The following NDRG4 variants were observed in gnomAD, a reference collection of about 807,000 sequenced individuals.
The protein encoded by NDRG4 is NDRG family member 4.
In NDRG4, 38 loss-of-function variants were observed where a neutral mutation model predicts 55.8. That is an observed-to-expected ratio of 0.68 (90% confidence interval 0.53 to 0.89). NDRG4 has a LOEUF of 0.89. NDRG4 is among the 40% of genes least tolerant of loss of function. NDRG4 has a pLI of 0.00. For synonymous variants in NDRG4, 190 were observed against 182.7 expected (o/e 1.04, Z -0.32); for missense variants, 455 against 468.6 (o/e 0.97, Z 0.27).
chr16:58,493,193 A>G (rs2035996405), intron 2 of NDRG4, among the ~76,000 whole-genome samples: 1 of 152,182 alleles, frequency 6.6e-6, no homozygotes, highest in Non-Finnish European at 1.5e-5. Flanking sequence ...GTACTTACCT[A>G]GCTGACTGCT....
intron 1 of NDRG4, chr16:58,501,172 C>T: frequency 1.3e-6 from 1 of 785,756 alleles, no homozygotes; most frequent in Non-Finnish European, 1.7e-6. Flanking sequence ...GTTCCGCAGA[C>T]GATAGGTCAC....
chr16:58,466,213 G>A (rs934249883), intron 1 of NDRG4, among the ~76,000 whole-genome samples: 7 of 152,114 alleles, frequency 4.6e-5, no homozygotes, highest in Admixed American at 1.3e-4. Flanking sequence ...GATGGGTTTC[G>A]CCATGTTGGC....
intron 2 of NDRG4, among the ~76,000 whole-genome samples, chr16:58,492,994 C>A (rs372074152): frequency 1.3e-5 from 2 of 152,202 alleles, no homozygotes; most frequent in East Asian, 1.9e-4. Flanking sequence ...ATGTGACAGT[C>A]GCAGGCAGCC....
In NDRG4 at chr16:58,503,977, C is replaced by T. The variant is rs1567339835; in HGVS notation, c.127+74C>T. ...AGAGCGGTGAGGCCCCCCACCCTCC[C>T]CACAGGGCCCTGTCAGCCCCACTCA... On this transcript the variant is annotated intron_variant, in intron 2 of 14. Transcript: ENST00000570248. 5 of 1,564,610 alleles carry T rather than the reference C, an allele frequency of 3.2e-6. No individual in the cohort carries two copies. In the South Asian group the frequency reaches 3.3e-5, roughly 10 times the overall value.
intron 1 of NDRG4, among the ~76,000 whole-genome samples, chr16:58,481,663 A>T (rs1415564635): frequency 6.6e-6 from 1 of 152,162 alleles, no homozygotes; most frequent in Non-Finnish European, 1.5e-5. Flanking sequence ...GGCGGAATGC[A>T]TGTAGGCGGG....
chr16:58,513,826 C>T (rs1044272643), downstream of NDRG4, among the ~76,000 whole-genome samples: 5 of 152,012 alleles, frequency 3.3e-5, no homozygotes, highest in African/African-American at 1.2e-4. Flanking sequence ...AGCATGGTGG[C>T]GCGTGCCTGT....
Position 58,492,423 on chromosome 16 carries a change from C to A in NDRG4, c.73-2541C>A, listed in dbSNP as rs190998215. 3.3e-5 allele frequency among the ~76,000 whole-genome samples: 5 copies of A among 152,198 alleles called. No homozygotes were observed. In the East Asian group the frequency reaches 9.7e-4, roughly 30 times the overall value. ...GCTTTTGAGTCCTTCCCCTCCCACA[C>A]CCTTCATCTCCTGGGGCCCCCAGAC... On this transcript the variant is annotated intron_variant, in intron 2 of 15. Coordinates refer to the NDRG4 transcript ENST00000258187.
rs139332606 is a variant in NDRG4 at position 58,508,060 on chromosome 16, C to A, written c.729+61C>A. 1.7e-4 allele frequency: 240 copies of A among 1,450,132 alleles called. No homozygotes were observed. The African/African-American group carries it at 2.7e-3, about 17-fold the overall frequency. The allele number at this position is 1,450,132 out of a possible 1,614,324, so 89.8% of individuals were successfully genotyped here. On this transcript the variant is annotated intron_variant, in intron 10 of 14. Coordinates refer to ENST00000570248, the MANE Select transcript of NDRG4 (RefSeq NM_001242835.2). Reference sequence around the variant, plus strand: ...GGTAGGGGTGAGGGGCTCACTGGCCCCTGCCCAGCAGGGACAATTCTTGAT... The same window carrying A: ...GGTAGGGGTGAGGGGCTCACTGGCCACTGCCCAGCAGGGACAATTCTTGAT...
At chr16:58,476,628 C>T (rs534401800) in intron 1 of NDRG4, among the ~76,000 whole-genome samples, 13 of 152,074 alleles carry the variant, frequency 8.5e-5, no homozygotes, top group East Asian at 5.8e-4. Context: ...TCAGAATTTG[C>T]GAGTGGATGT....
At chr16:58,509,940 A>G (rs1244140883) in intron 13 of NDRG4, among the ~76,000 whole-genome samples, 1 of 108,788 alleles carries the variant, frequency 9.2e-6, no homozygotes, top group Non-Finnish European at 2.2e-5. Context: ...ACACACACAG[A>G]CACACACACA....
Position 58,507,005 on chromosome 16 carries a change from A to C in NDRG4, c.610A>C (p.Met204Leu). The change falls in exon 8 of 15, where the codon ATG becomes CTG. Residue 204 changes from methionine to leucine, a missense_variant. Physicochemically the swap from Met to Leu is conservative, Grantham distance 15. Transcript: ENST00000570248. ...GGCCAACCTGCAGCTCTTCTGGAAC[A>C]TGTACAACAGGTGCGGGTGGGATCA... is the stretch of plus-strand genomic sequence containing the variant. ...NQANLQLFWN[M>L]YNSRRDLDIN... is the part of the protein sequence containing the mutation. 1 of 1,613,430 alleles carries C rather than the reference A, an allele frequency of 6.2e-7. No homozygotes were observed. Among genetic ancestry groups the C allele is most frequent in the Non-Finnish European group, 8.5e-7 (1 of 1,179,724 alleles).
chr16:58,503,591 C>T, intron 1 of NDRG4: 1 of 966,820 alleles, frequency 1.0e-6, no homozygotes, highest in Non-Finnish European at 1.6e-6. Flanking sequence ...CAGATCAGTT[C>T]ACATTGTCTC....
rs78623926 is a variant in NDRG4 at position 58,493,171 on chromosome 16, A to G, written c.73-1793A>G. 5.0e-3 allele frequency among the ~76,000 whole-genome samples: 756 copies of G among 152,124 alleles called. 6 individuals carry two copies. Among genetic ancestry groups the G allele is most frequent in the African/African-American group, 0.017 (710 of 41,492 alleles). Reference sequence around the variant, plus strand: ...CTTTCCACTCCTGTGATTTGGGGTCATTTTCCTCCTTGTACTTACCTAGCT... The same window carrying G: ...CTTTCCACTCCTGTGATTTGGGGTCGTTTTCCTCCTTGTACTTACCTAGCT... On this transcript the variant is annotated intron_variant, in intron 2 of 15. Coordinates refer to the NDRG4 transcript ENST00000258187.
chr16:58,472,695 T>TCTCTCC (rs1244706585), intron 1 of NDRG4, among the ~76,000 whole-genome samples: 1 of 152,162 alleles, frequency 6.6e-6, no homozygotes, highest in Non-Finnish European at 1.5e-5. Flanking sequence ...CCTCTGTCTC[T>TCTCTCC]CTCTCCCTCA....
chr16:58,511,887 C>A lies in NDRG4; in HGVS notation c.*311C>A. The A allele has an allele frequency of 2.2e-6, 1 of 453,942 alleles. No individual in the cohort carries two copies. The highest frequency in any genetic ancestry group is 4.2e-6 in the Non-Finnish European group (1 of 235,978). 28.1% of individuals were successfully genotyped at this position (453,942 alleles called of 1,614,324 possible). On this transcript the variant is annotated 3_prime_UTR_variant, in exon 15 of 15. Coordinates refer to ENST00000570248, the MANE Select transcript of NDRG4 (RefSeq NM_001242835.2). ...GATTCGCTACGGATCCAGGCCATTCCTGGGTGAGCCCTTGGGCAGGCATGT... is the reference window on the plus strand; with the variant it reads ...GATTCGCTACGGATCCAGGCCATTCATGGGTGAGCCCTTGGGCAGGCATGT...
chr16:58,512,153 A>AG lies in NDRG4; in HGVS notation c.*581dup, dbSNP rs1220219146. The AG allele has an allele frequency of 2.2e-6, 1 of 454,122 alleles. No homozygotes were observed. The highest frequency in any genetic ancestry group is 6.9e-5 in the East Asian group (1 of 14,402). The allele number at this position is 454,122 out of a possible 1,614,324, so 28.1% of individuals were successfully genotyped here. A position where few individuals can be genotyped will look rare whatever the true frequency, so the allele number is the denominator to read the frequency against. On this transcript the variant is annotated 3_prime_UTR_variant, in exon 15 of 15. Coordinates refer to ENST00000570248, the MANE Select transcript of NDRG4 (RefSeq NM_001242835.2). Reference sequence around the variant, plus strand: ...GCTGGTGCTGTAGGGCCACGCAGGCAGGGGCGTCAAGGGGTTTCTCTGCCC... The same window carrying AG: ...GCTGGTGCTGTAGGGCCACGCAGGCAGGGGGCGTCAAGGGGTTTCTCTGCCC...
At chr16:58,482,158 G>A (rs1343634131) in intron 1 of NDRG4, among the ~76,000 whole-genome samples, 1 of 152,148 alleles carries the variant, frequency 6.6e-6, no homozygotes, top group African/African-American at 2.4e-5. Flanking sequence ...GGGTAGAGCT[G>A]GCTAGGCCTG....
intron 3 of NDRG4, chr16:58,495,097 C>T: frequency 7.6e-7 from 1 of 1,317,050 alleles, no homozygotes; most frequent in Non-Finnish European, 1.1e-6. Context: ...AGGGTCACAG[C>T]CCTTCTGTGT....
In NDRG4 at chr16:58,464,904, G is replaced by A. The variant is rs1368709888; in HGVS notation, c.-24+1107G>A. The A allele has an allele frequency of 7.7e-6, 9 of 1,175,222 alleles. No individual in the cohort carries two copies. The African/African-American group carries it at 1.3e-4, about 17-fold the overall frequency. The allele number at this position is 1,175,222 out of a possible 1,614,324, so 72.8% of individuals were successfully genotyped here. Reference sequence around the variant, plus strand: ...CTGGGGGAGAAGTTTCTTGCTGGGAGTGGAGGCGACGCCAAGTGGCCTGGG... The same window carrying A: ...CTGGGGGAGAAGTTTCTTGCTGGGAATGGAGGCGACGCCAAGTGGCCTGGG... On this transcript the variant is annotated intron_variant, in intron 1 of 15. Coordinates refer to the NDRG4 transcript ENST00000258187. The surrounding 1 kb of genome is among the most constrained non-coding windows in gnomAD (Gnocchi z 4.8).
Sources: gnomAD v4.1 joint callset for allele counts (sites outside exome capture counted in the v4.1 genomes callset) on GRCh38, gnomAD v4.1.1 for gene constraint, Gnocchi (gnomAD v3.1) non-coding constraint, MANE v1.5 for transcripts, NCBI Gene and HGNC (gene_info 2026-07-23, HGNC 2026-07-21) for gene names.